The following NBEAL1 variants were observed in gnomAD, a reference collection of about 807,000 sequenced individuals.
NBEAL1 encodes neurobeachin like 1, also known as neurobeachin-like protein 1.
Under a neutral mutation model 351.3 loss-of-function variants are expected in NBEAL1, and 273 were observed. The observed-to-expected ratio is 0.78, with a 90% confidence interval of 0.70 to 0.86. NBEAL1 has a LOEUF of 0.86. Ranked by LOEUF, NBEAL1 falls within the 40% of genes least tolerant of loss-of-function variation. The pLI is 0.00. For synonymous variants in NBEAL1, 1,050 were observed against 1,086.4 expected, an observed-to-expected ratio of 0.97 and a Z score of 0.66; for missense variants, 2,961 against 3,201.3, an observed-to-expected ratio of 0.92 and a Z score of 1.81.
At chr2:203,125,882 T>TA in intron 20 of NBEAL1, 78 bp from the exon 21 acceptor site, 1 of 1,178,996 alleles carries the variant, frequency 8.5e-7, no homozygotes, top group South Asian at 1.8e-5. Flanking sequence ...TGTGTAACAG[T>TA]GTGCATTAAG....
At position 203,145,938 on chromosome 2, in the gene NBEAL1, A is replaced by C. The variant is rs190297319; in HGVS notation, c.5304+778A>C. Among the ~76,000 whole-genome samples the C allele has an allele frequency of 4.3e-3, 656 of 152,112 alleles. 3 individuals carry two copies. Among genetic ancestry groups the C allele is most frequent in the African/African-American group, 0.015 (622 of 41,530 alleles). ...GAAAAATAATAGAGAAAATCAATGA[A>C]ACCAAGGTCGAATTCTTCAAAATAT... is the stretch of plus-strand genomic sequence containing the variant. On this transcript the variant is annotated intron_variant, in intron 33 of 55. Transcript: ENST00000683969.
In NBEAL1 at chr2:203,035,305, C is replaced by G. The variant is rs1267081513; in HGVS notation, c.52-6460C>G. On this transcript the variant is annotated intron_variant, in intron 2 of 55. Transcript: ENST00000683969. ...TAGGGAGCCATTGAAAGTATTTGGG[C>G]AGGACAGAGGAGATGACTGGATTTA... Among the ~76,000 whole-genome samples the G allele has an allele frequency of 2.7e-5, 4 of 149,060 alleles. 1 individual carries two copies. Among genetic ancestry groups the G allele is most frequent in the Non-Finnish European group, 6.0e-5 (4 of 66,518 alleles).
intron 18 of NBEAL1, among the ~76,000 whole-genome samples, chr2:203,116,985 C>T (rs899828188): frequency 1.4e-4 from 22 of 151,936 alleles, no homozygotes; most frequent in African/African-American, 5.1e-4. Flanking sequence ...ACCTGTAGTT[C>T]CAGCTACTTA....
intron 52 of NBEAL1, 142 bp from the exon 53 acceptor site, chr2:203,209,019 C>A: frequency 1.5e-6 from 1 of 668,566 alleles, no homozygotes; most frequent in Non-Finnish European, 2.4e-6. Context: ...TGGAATTTTT[C>A]CTAAGGTGCA....
intron 3 of NBEAL1, among the ~76,000 whole-genome samples, chr2:203,043,006 T>C (rs2061168835): frequency 6.6e-6 from 1 of 152,188 alleles, no homozygotes; most frequent in Non-Finnish European, 1.5e-5. Flanking sequence ...ACAAAAGACA[T>C]TCTGAATATC....
intron 18 of NBEAL1, among the ~76,000 whole-genome samples, chr2:203,118,554 C>G (rs1246130677): frequency 6.6e-6 from 1 of 150,956 alleles, no homozygotes; most frequent in Non-Finnish European, 1.5e-5. Context: ...ATAATCCAAA[C>G]AGTATATTTA....
intron 2 of NBEAL1, among the ~76,000 whole-genome samples, chr2:203,027,498 T>TA (rs564137387): frequency 5.5e-4 from 81 of 147,142 alleles, no homozygotes; most frequent in African/African-American, 8.9e-4. Flanking sequence ...TTTACCTCTG[T>TA]AAAAAAAAAA....
chr2:203,028,375 G>T (rs1296466598), intron 2 of NBEAL1, among the ~76,000 whole-genome samples: 1 of 151,814 alleles, frequency 6.6e-6, no homozygotes, highest in African/African-American at 2.4e-5. Context: ...CTTTTATGCT[G>T]AGCTTTAATT....
At chr2:203,027,408 C>T (rs2060876157) in intron 2 of NBEAL1, among the ~76,000 whole-genome samples, 1 of 152,120 alleles carries the variant, frequency 6.6e-6, no homozygotes, top group Non-Finnish European at 1.5e-5. Flanking sequence ...TACCTTCAGG[C>T]TGGTAGTGGT....
At chr2:203,188,391 CCTTA>C in intron 44 of NBEAL1, 77 bp from the exon 45 acceptor site, 1 of 696,212 alleles carries the variant, frequency 1.4e-6, no homozygotes, top group Non-Finnish European at 2.2e-6. Flanking sequence ...TTTCATTTGT[CCTTA>C]CTTTTTTAAA....
At position 203,217,341 on chromosome 2, in the gene NBEAL1, A is replaced by G; in HGVS notation, c.8159A>G (p.Gln2720Arg). Reference protein sequence around the residue: ...ISAGETEYNTQDSK With the variant: ...ISAGETEYNTRDSK Reference sequence around the variant, plus strand: ...GCTGGAGAAACTGAATATAATACTCAAGATTCCAAGTGATTGTTATTTCCA... The same window carrying G: ...GCTGGAGAAACTGAATATAATACTCGAGATTCCAAGTGATTGTTATTTCCA... Residue 2720 changes from glutamine to arginine, a missense_variant, in exon 56 of 56, where the codon CAA (glutamine) becomes CGA (arginine). Coordinates refer to ENST00000683969, the MANE Select transcript of NBEAL1 (RefSeq NM_001378026.1). 5.7e-6 allele frequency: 9 copies of G among 1,574,488 alleles called. No homozygotes were observed. Among genetic ancestry groups the G allele is most frequent in the Non-Finnish European group, 7.7e-6 (9 of 1,163,672 alleles).
At chr2:203,032,422 C>T (rs2060963746) in intron 2 of NBEAL1, among the ~76,000 whole-genome samples, 1 of 152,016 alleles carries the variant, frequency 6.6e-6, no homozygotes, top group African/African-American at 2.4e-5. Flanking sequence ...CTTTGGGAGG[C>T]TGAGGCGGGC....
chr2:203,116,806 A>AG (rs2062710141), intron 18 of NBEAL1, among the ~76,000 whole-genome samples: 1 of 150,380 alleles, frequency 6.6e-6, no homozygotes, highest in Non-Finnish European at 1.5e-5. Flanking sequence ...AAAAAAAAAA[A>AG]AGGGGGGGGC....
intron 2 of NBEAL1, among the ~76,000 whole-genome samples, chr2:203,021,042 C>T (rs1013282627): frequency 2.0e-5 from 3 of 152,172 alleles, no homozygotes; most frequent in African/African-American, 4.8e-5. Flanking sequence ...CTGCCTCCCT[C>T]AGCCTCCCGA....
At chr2:203,157,558 A>G in intron 35 of NBEAL1, 141 bp from the exon 36 acceptor site, 1 of 506,404 alleles carries the variant, frequency 2.0e-6, no homozygotes, top group Non-Finnish European at 3.2e-6. Flanking sequence ...GGATTACTCT[A>G]AATCAAAGTA....
intron 7 of NBEAL1, among the ~76,000 whole-genome samples, chr2:203,075,901 T>C (rs1400794636): frequency 1.3e-5 from 2 of 152,248 alleles, no homozygotes; most frequent in African/African-American, 4.8e-5. Context: ...CCAGTTATTC[T>C]GATATAGGTG....
At chr2:203,072,684 C>G (rs1405521727) in intron 7 of NBEAL1, among the ~76,000 whole-genome samples, 1 of 152,132 alleles carries the variant, frequency 6.6e-6, no homozygotes, top group Non-Finnish European at 1.5e-5. Flanking sequence ...ATAAGGATCC[C>G]CTTTCCACTA....
chr2:203,065,330 ATCTAT>A (rs2061564458), intron 6 of NBEAL1, among the ~76,000 whole-genome samples: 1 of 152,180 alleles, frequency 6.6e-6, no homozygotes, highest in South Asian at 2.1e-4. Context: ...ATGTTCTTTG[ATCTAT>A]TCTTATTGTT....
intron 17 of NBEAL1, among the ~76,000 whole-genome samples, chr2:203,115,765 T>C (rs546883975): frequency 1.3e-5 from 2 of 152,236 alleles, no homozygotes; most frequent in South Asian, 2.1e-4. Context: ...TAATACTATA[T>C]AAAAAAAATT....
Sources: gnomAD v4.1 joint callset for allele counts (sites outside exome capture counted in the v4.1 genomes callset) on GRCh38, gnomAD v4.1.1 for gene constraint, MANE v1.5 for transcripts, NCBI Gene and HGNC (gene_info 2026-07-23, HGNC 2026-07-21) for gene names.